The following SNX31 variants were observed in gnomAD, a reference collection of about 807,000 sequenced individuals.
SNX31 encodes the protein sorting nexin 31.
SNX31 carries 58 observed loss-of-function variants against 65.4 expected under a neutral mutation model. The ratio of observed to expected loss-of-function variants is 0.89; its 90% CI spans 0.72 to 1.10. The LOEUF (loss-of-function observed/expected upper bound fraction) is 1.10, where lower values mean the gene tolerates loss of function less well. Ranked by LOEUF, SNX31 falls within the 50% of genes least tolerant of loss-of-function variation. SNX31 has a pLI of 0.00. For missense variants in SNX31, 523 were observed against 529.7 expected, an observed-to-expected ratio of 0.99 and a Z score of 0.12; for synonymous variants, 181 against 190.1, an observed-to-expected ratio of 0.95 and a Z score of 0.39.
Position 100,573,889 on chromosome 8 carries a change from C to A in SNX31, c.1299G>T (p.Gly433=), listed in dbSNP as rs1008426274. The A allele has an allele frequency of 5.1e-6, 8 of 1,576,792 alleles. No individual in the cohort carries two copies. Among genetic ancestry groups the A allele is most frequent in the South Asian group, 1.2e-5 (1 of 85,840 alleles). ...TTCAGAGATCTTCTTCCTTTATGTT[C>A]CCAAAAACGCAGTCATCTTTAGCTA... ...IKIAKDDCVF[G]NIKEEDL The change falls in exon 14 of 14, where the codon GGG becomes GGT. Residue 433 remains glycine (G), a synonymous_variant. Transcript: ENST00000311812.
chr8:100,659,232 G>C (rs1052918566), intron 1 of SNX31, among the ~76,000 whole-genome samples: 1 of 151,952 alleles, frequency 6.6e-6, no homozygotes, highest in East Asian at 1.9e-4. Flanking sequence ...TGTAATCCTA[G>C]CTACTCGGGA....
At chr8:100,595,311 G>GTTTTTTTTTTT (rs765163460) in intron 10 of SNX31, among the ~76,000 whole-genome samples, 1 of 138,784 alleles carries the variant, frequency 7.2e-6, no homozygotes. Flanking sequence ...GAGGGAATTT[G>GTTTTTTTTTTT]TTGTTTTTTT....
At chr8:100,640,140 T>TTTTCTTTTC (rs60457437) in intron 2 of SNX31, among the ~76,000 whole-genome samples, 2,663 of 151,958 alleles carry the variant, frequency 0.018, 56 homozygotes, top group African/African-American at 0.052. Context: ...CTTTTCTTTT[T>TTTTCTTTTC]TTTGGAGACA....
At chr8:100,656,605 C>T (rs1235930244) in intron 1 of SNX31, among the ~76,000 whole-genome samples, 6 of 131,466 alleles carry the variant, frequency 4.6e-5, no homozygotes, top group Middle Eastern at 8.6e-3. Context: ...AACGCCACTG[C>T]ACTCCAGCCT....
chr8:100,657,977 G>C (rs139195802), intron 1 of SNX31: 3 of 358,578 alleles, frequency 8.4e-6, no homozygotes, highest in South Asian at 6.3e-5. Context: ...AAAAATCACA[G>C]ATCCTTGGCA....
Position 100,630,502 on chromosome 8 carries a change from C to A in SNX31, c.257-111G>T. 1.2e-6 allele frequency: 1 copy of A among 828,818 alleles called. No individual in the cohort carries two copies. The highest frequency in any genetic ancestry group is 2.8e-5 in the East Asian group (1 of 35,378). 51.3% of individuals were successfully genotyped at this position (828,818 alleles called of 1,614,324 possible). A position where few individuals can be genotyped will look rare whatever the true frequency, so the allele number is the denominator to read the frequency against. ...ATGCCTTGCCAGTGCTCTGTCTCCT[C>A]CCTGAAGTGATAAATGTTGAAACCT... On this transcript the variant is annotated intron_variant, in intron 3 of 13. Transcript: ENST00000311812. This position sits in a 1 kb window ranked among gnomAD's most constrained non-coding sequence, Gnocchi z 5.3.
rs1166075787 is a variant in SNX31 at position 100,610,362 on chromosome 8, T to A, written c.611+1638A>T. 6.7e-6 allele frequency among the ~76,000 whole-genome samples: 1 copy of A among 149,772 alleles called. No individual in the cohort carries two copies. Among genetic ancestry groups the A allele is most frequent in the Non-Finnish European group, 1.5e-5 (1 of 67,188 alleles). On this transcript the variant is annotated intron_variant, in intron 7 of 13. Coordinates refer to ENST00000311812, the MANE Select transcript of SNX31 (RefSeq NM_152628.4). This position sits in a 1 kb window ranked among gnomAD's most constrained non-coding sequence, Gnocchi z 4.0. ...GTGAAAATCTAAGCCCCAAAGATTT[T>A]TTTTTTTTTTTTGCTTCCTATAATC...
intron 1 of SNX31, among the ~76,000 whole-genome samples, chr8:100,658,143 T>A (rs924069891): frequency 5.9e-5 from 9 of 152,152 alleles, no homozygotes; most frequent in African/African-American, 1.9e-4. Flanking sequence ...GGGATGCTAA[T>A]GCTCCCGAAG....
In SNX31 at chr8:100,613,669, T is replaced by G. The variant is rs1234350731; in HGVS notation, c.433-584A>C. ...AAAACCTCAGATGCCAGGCACAGGTTGCCTTCCTTCACATTCCTCTTTGAC... is the reference window on the plus strand; with the variant it reads ...AAAACCTCAGATGCCAGGCACAGGTGGCCTTCCTTCACATTCCTCTTTGAC... On this transcript the variant is annotated intron_variant, in intron 5 of 13. Transcript: ENST00000311812. This position sits in a 1 kb window ranked among gnomAD's most constrained non-coding sequence, Gnocchi z 5.2. Among the ~76,000 whole-genome samples the G allele has an allele frequency of 6.6e-6, 1 of 152,206 alleles. No individual in the cohort carries two copies. Among genetic ancestry groups the G allele is most frequent in the Non-Finnish European group, 1.5e-5 (1 of 68,034 alleles).
At position 100,576,122 on chromosome 8, in the gene SNX31, T is replaced by A. The variant is rs1813028009; in HGVS notation, c.1227+897A>T. Among the ~76,000 whole-genome samples, 1 of 152,148 alleles carries A rather than the reference T, an allele frequency of 6.6e-6. No homozygotes were observed. The highest frequency in any genetic ancestry group is 6.5e-5 in the Admixed American group (1 of 15,280). Reference sequence around the variant, plus strand: ...GTCTCTCTGTCCAACCAGCCAGAAGTGCTGTGATTATGAAGGAGAATGCTT... The same window carrying A: ...GTCTCTCTGTCCAACCAGCCAGAAGAGCTGTGATTATGAAGGAGAATGCTT... On this transcript the variant is annotated intron_variant, in intron 13 of 13. Transcript: ENST00000311812. The surrounding 1 kb of genome is among the most constrained non-coding windows in gnomAD (Gnocchi z 4.8).
At chr8:100,599,591 A>G (rs560621845) in intron 9 of SNX31, among the ~76,000 whole-genome samples, 1 of 152,170 alleles carries the variant, frequency 6.6e-6, no homozygotes, top group East Asian at 1.9e-4. Context: ...GCCTTTGAGG[A>G]ATTATTTTCT....
Position 100,577,041 on chromosome 8 carries a change from T to C in SNX31, c.1205A>G (p.Lys402Arg). 6.2e-7 allele frequency: 1 copy of C among 1,613,802 alleles called. No homozygotes were observed. ...GACCTGGCTTTGTTGAATGTGGTAT[T>C]TTTTACTTTTGCTTTGTTCCGGAAC... ...IEVPEQSKSK[K>R]YHIQQSQQKD... The change falls in exon 13 of 14, where the codon AAA (lysine) becomes AGA (arginine). Residue 402 changes from lysine (K) to arginine (R), a missense_variant. Coordinates refer to ENST00000311812, the MANE Select transcript of SNX31 (RefSeq NM_152628.4).
chr8:100,610,685 A>G lies in SNX31; in HGVS notation c.611+1315T>C, dbSNP rs574254235. Among the ~76,000 whole-genome samples the G allele has an allele frequency of 3.9e-5, 6 of 152,296 alleles. No individual in the cohort carries two copies. The highest frequency in any genetic ancestry group is 2.1e-4 in the South Asian group (1 of 4,828). On this transcript the variant is annotated intron_variant, in intron 7 of 13. Transcript: ENST00000311812. This position sits in a 1 kb window ranked among gnomAD's most constrained non-coding sequence, Gnocchi z 4.0. ...GAACAGCTGTTCTCTAAACCATTGG[A>G]TGGAACTGAGTTCTTCTCCCCTTCT...
At position 100,626,254 on chromosome 8, in the gene SNX31, G is replaced by C. The variant is rs981078223; in HGVS notation, c.321+4073C>G. 2.6e-5 allele frequency among the ~76,000 whole-genome samples: 4 copies of C among 152,222 alleles called. No homozygotes were observed. In the South Asian group the frequency reaches 8.3e-4, roughly 32 times the overall value. ...ATCCTCAAAGCAACCCCAAGAGACAGGAGCTCTTCTCCCCATTTTACAGAT... is the reference window on the plus strand; with the variant it reads ...ATCCTCAAAGCAACCCCAAGAGACACGAGCTCTTCTCCCCATTTTACAGAT... On this transcript the variant is annotated intron_variant, in intron 4 of 13. Coordinates refer to ENST00000311812, the MANE Select transcript of SNX31 (RefSeq NM_152628.4). The surrounding 1 kb of genome is among the most constrained non-coding windows in gnomAD (Gnocchi z 4.4).
intron 2 of SNX31, among the ~76,000 whole-genome samples, chr8:100,641,943 G>A (rs1206356017): frequency 1.3e-5 from 2 of 151,724 alleles, no homozygotes; most frequent in Non-Finnish European, 2.9e-5. Flanking sequence ...GCCGGGCTTG[G>A]TGGCAGGTGC....
chr8:100,650,635 G>A (rs1300928198), upstream of SNX31, among the ~76,000 whole-genome samples: 2 of 152,280 alleles, frequency 1.3e-5, no homozygotes, highest in East Asian at 3.9e-4. Flanking sequence ...GCCAGGACCT[G>A]ACATATGCTA....
intron 5 of SNX31, among the ~76,000 whole-genome samples, chr8:100,615,283 A>G (rs1462399257): frequency 6.6e-6 from 1 of 152,156 alleles, no homozygotes; most frequent in African/African-American, 2.4e-5. Context: ...AATGGACAAA[A>G]CAGATGGTAC....
rs927254575 is a variant in SNX31 at position 100,660,982 on chromosome 8, C to T, written c.-58+2160G>A. On this transcript the variant is annotated intron_variant, in intron 1 of 5. Transcript: ENST00000520352. The surrounding 1 kb of genome is among the most constrained non-coding windows in gnomAD (Gnocchi z 4.1). ...TGAACATTCAATCTTCACAACAATC[C>T]TACCTGCCAGAAAAGCAGGTCGATA... Among the ~76,000 whole-genome samples, 1 of 151,596 alleles carries T rather than the reference C, an allele frequency of 6.6e-6. No individual in the cohort carries two copies. Among genetic ancestry groups the T allele is most frequent in the Non-Finnish European group, 1.5e-5 (1 of 67,996 alleles).
In SNX31 at chr8:100,573,870, G is replaced by C. The variant is rs1228234869; in HGVS notation, c.1318C>G (p.Leu440Val). Residue 440 changes from leucine (L) to valine (V), a missense_variant, in exon 14 of 14, where the codon CTC becomes GTC. Coordinates refer to ENST00000311812, the MANE Select transcript of SNX31 (RefSeq NM_152628.4). ...TTAAAATATGAGAGCTTTCTTCAGA[G>C]ATCTTCTTCCTTTATGTTCCCAAAA... ...CVFGNIKEED[L>V] 3 of 1,568,986 alleles carry C rather than the reference G, an allele frequency of 1.9e-6. No individual in the cohort carries two copies. The African/African-American group carries it at 4.1e-5, about 22-fold the overall frequency.
Sources: gnomAD v4.1 joint callset for allele counts (sites outside exome capture counted in the v4.1 genomes callset) on GRCh38, gnomAD v4.1.1 for gene constraint, Gnocchi (gnomAD v3.1) non-coding constraint, MANE v1.5 for transcripts, NCBI Gene and HGNC (gene_info 2026-07-23, HGNC 2026-07-21) for gene names.